MACROD2: variants seen among roughly 807,000 people sequenced by gnomAD.
The protein encoded by MACROD2 is ADP-ribose glycohydrolase MACROD2.
MACROD2 carries 36 observed loss-of-function variants against 70.4 expected under a neutral mutation model. The observed-to-expected ratio is 0.51, with a 90% confidence interval of 0.39 to 0.68. The LOEUF (loss-of-function observed/expected upper bound fraction) is 0.68, where lower values mean the gene tolerates loss of function less well. Among genes scored for constraint, MACROD2 ranks in the 30% least tolerant of loss-of-function variants. The probability of loss-of-function intolerance (pLI) is 0.00; values close to 1 mark genes in which losing one functional copy is unlikely to be tolerated. For missense variants in MACROD2, 496 were observed against 538.4 expected, an observed-to-expected ratio of 0.92 and a Z score of 0.78; for synonymous variants, 172 against 178.8, an observed-to-expected ratio of 0.96 and a Z score of 0.30.
At chr20:14,432,124 G>A (rs35733982) in intron 3 of MACROD2, among the ~76,000 whole-genome samples, 23,616 of 152,120 alleles carry the variant, frequency 0.16, 2,610 homozygotes, top group Non-Finnish European at 0.23. Context: ...AGCGTACAGG[G>A]CCTTCTATGA....
intron 10 of MACROD2, among the ~76,000 whole-genome samples, chr20:15,899,242 G>A (rs1166165742): frequency 6.6e-6 from 1 of 151,772 alleles, no homozygotes; most frequent in Non-Finnish European, 1.5e-5. Context: ...GTATATGTGT[G>A]TATATGTACA....
chr20:14,437,441 A>C (rs1239876779), intron 3 of MACROD2, among the ~76,000 whole-genome samples: 1 of 152,086 alleles, frequency 6.6e-6, no homozygotes, highest in Non-Finnish European at 1.5e-5. Flanking sequence ...AAAAATACAA[A>C]AAATTAGCAG....
At chr20:14,299,200 A>G (rs1301973159) in intron 3 of MACROD2, among the ~76,000 whole-genome samples, 1 of 152,194 alleles carries the variant, frequency 6.6e-6, no homozygotes. Context: ...AGAAATTGCC[A>G]CAGCCACCCC....
At chr20:14,038,536 C>T (rs1460545107) in intron 2 of MACROD2, among the ~76,000 whole-genome samples, 5 of 152,128 alleles carry the variant, frequency 3.3e-5, no homozygotes, top group Admixed American at 6.5e-5. Flanking sequence ...TCCTCTTCAC[C>T]TTTGTTAATG....
At chr20:15,225,196 G>C in intron 5 of MACROD2, among the ~76,000 whole-genome samples, 1 of 151,876 alleles carries the variant, frequency 6.6e-6, no homozygotes, top group East Asian at 1.9e-4. Context: ...TATACCTAGG[G>C]GAGTCATTCT....
intron 5 of MACROD2, among the ~76,000 whole-genome samples, chr20:15,100,263 T>C (rs1568573246): frequency 6.6e-6 from 1 of 152,136 alleles, no homozygotes; most frequent in Non-Finnish European, 1.5e-5. Context: ...TGATTTTTTT[T>C]CTTTATGATA....
chr20:15,439,952 C>T (rs1331809110), intron 7 of MACROD2, among the ~76,000 whole-genome samples: 2 of 152,140 alleles, frequency 1.3e-5, no homozygotes, highest in Non-Finnish European at 2.9e-5. Flanking sequence ...CTAAACAGAT[C>T]TGAACCTCCC....
intron 5 of MACROD2, among the ~76,000 whole-genome samples, chr20:14,801,970 T>C (rs1335940453): frequency 6.6e-6 from 1 of 152,088 alleles, no homozygotes; most frequent in Non-Finnish European, 1.5e-5. Flanking sequence ...AGGGGGTCAA[T>C]ATCAGTGACT....
chr20:14,596,342 G>A (rs1278728789), intron 4 of MACROD2, among the ~76,000 whole-genome samples: 3 of 150,284 alleles, frequency 2.0e-5, no homozygotes, highest in African/African-American at 4.9e-5. Context: ...CTCCCGCCTC[G>A]GCCTCCCAAA....
intron 2 of MACROD2, among the ~76,000 whole-genome samples, chr20:14,044,065 C>T (rs1421605182): frequency 6.6e-6 from 1 of 152,194 alleles, no homozygotes; most frequent in African/African-American, 2.4e-5. Flanking sequence ...AAGAATGAAG[C>T]CACAGACCCT....
intron 8 of MACROD2, among the ~76,000 whole-genome samples, chr20:15,841,410 G>A (rs890713484): frequency 3.9e-5 from 6 of 152,138 alleles, no homozygotes; most frequent in Non-Finnish European, 8.8e-5. Flanking sequence ...TCTGTAAGCT[G>A]TGCAGGAAGC....
intron 8 of MACROD2, among the ~76,000 whole-genome samples, chr20:15,760,327 C>T (rs913123859): frequency 6.6e-6 from 1 of 152,168 alleles, no homozygotes; most frequent in Non-Finnish European, 1.5e-5. Flanking sequence ...TCAAGAGAGC[C>T]AGGTGGGCTT....
intron 4 of MACROD2, among the ~76,000 whole-genome samples, chr20:14,613,010 A>C (rs1248997699): frequency 6.6e-6 from 1 of 152,132 alleles, no homozygotes; most frequent in Non-Finnish European, 1.5e-5. Context: ...TGAGTTCTTC[A>C]GTATTCCTGA....
At chr20:15,257,908 T>C (rs1443092926) in intron 6 of MACROD2, among the ~76,000 whole-genome samples, 2 of 152,016 alleles carry the variant, frequency 1.3e-5, no homozygotes, top group Admixed American at 1.3e-4. Flanking sequence ...TCCCTGCGTG[T>C]TATTGCCCCT....
At chr20:14,014,221 C>T (rs2052954866) in intron 2 of MACROD2, among the ~76,000 whole-genome samples, 1 of 149,084 alleles carries the variant, frequency 6.7e-6, no homozygotes, top group South Asian at 2.2e-4. Context: ...TCCTTTCTTG[C>T]TCCCCCCTCC....
At chr20:14,344,445 T>G (rs2083044722) in intron 3 of MACROD2, among the ~76,000 whole-genome samples, 1 of 152,222 alleles carries the variant, frequency 6.6e-6, no homozygotes, top group Admixed American at 6.5e-5. Flanking sequence ...TTATGATAAA[T>G]ATGTTATATA....
chr20:14,124,823 A>C (rs893361932), intron 3 of MACROD2, among the ~76,000 whole-genome samples: 1 of 152,162 alleles, frequency 6.6e-6, no homozygotes, highest in Non-Finnish European at 1.5e-5. Context: ...AGAATTAAAA[A>C]CATATGTTTT....
At chr20:15,317,676 A>G (rs780409750) in intron 6 of MACROD2, among the ~76,000 whole-genome samples, 2 of 151,986 alleles carry the variant, frequency 1.3e-5, no homozygotes, top group Non-Finnish European at 2.9e-5. Flanking sequence ...TTCAGACTCA[A>G]AAACAACCAG....
intron 5 of MACROD2, among the ~76,000 whole-genome samples, chr20:14,937,831 C>T (rs1264398798): frequency 6.6e-6 from 1 of 151,980 alleles, no homozygotes; most frequent in Non-Finnish European, 1.5e-5. Flanking sequence ...TCTATTCATC[C>T]TCCCACCCCC....
Sources: gnomAD v4.1 joint callset for allele counts (sites outside exome capture counted in the v4.1 genomes callset) on GRCh38, gnomAD v4.1.1 for gene constraint, MANE v1.5 for transcripts, NCBI Gene and HGNC (gene_info 2026-07-23, HGNC 2026-07-21) for gene names.